The following TFEC variants were observed in gnomAD, a reference collection of about 807,000 sequenced individuals.
TFEC encodes transcription factor EC, also known as class E basic helix-loop-helix protein 34.
In TFEC, 31 loss-of-function variants were observed where a neutral mutation model predicts 41.6. The observed-to-expected ratio is 0.74, with a 90% CI of 0.56 to 1.01. The LOEUF (loss-of-function observed/expected upper bound fraction) is 1.01. Ranked by LOEUF, TFEC falls within the 50% of genes least tolerant of loss-of-function variation. The pLI is 0.00. For missense variants in TFEC, 402 were observed against 404.1 expected (o/e 0.99, Z 0.04); for synonymous variants, 143 against 140.6 (o/e 1.02, Z -0.12).
intron 3 of TFEC, among the ~76,000 whole-genome samples, chr7:116,080,142 A>T (rs1797054494): frequency 6.6e-6 from 1 of 152,142 alleles, no homozygotes; most frequent in Admixed American, 6.6e-5. Context: ...GAAGAATGAA[A>T]CTAGATCCTC....
chr7:115,952,698 A>G (rs1792011293), intron 5 of TFEC, among the ~76,000 whole-genome samples: 1 of 152,106 alleles, frequency 6.6e-6, no homozygotes, highest in Non-Finnish European at 1.5e-5. Flanking sequence ...AGTTACTTAT[A>G]AAGGAGTCAA....
chr7:115,972,070 T>C (rs1171262059), intron 3 of TFEC, among the ~76,000 whole-genome samples: 1 of 152,062 alleles, frequency 6.6e-6, no homozygotes, highest in Admixed American at 6.6e-5. Flanking sequence ...CCTACCCCTA[T>C]TCTACCAGCT....
chr7:115,950,815 C>A, intron 6 of TFEC, 59 bp downstream of exon 6: 1 of 1,316,734 alleles, frequency 7.6e-7, no homozygotes, highest in Non-Finnish European at 1.1e-6. Flanking sequence ...TCTTCCCTCC[C>A]ATTCATTTTG....
intron 1 of TFEC, among the ~76,000 whole-genome samples, chr7:116,158,760 C>A (rs1798918922): frequency 6.6e-6 from 1 of 151,978 alleles, no homozygotes. Flanking sequence ...TACTAGGTCC[C>A]ACTATAATAG....
At chr7:116,049,207 G>A (rs368607617) in intron 3 of TFEC, among the ~76,000 whole-genome samples, 1 of 152,074 alleles carries the variant, frequency 6.6e-6, no homozygotes, top group African/African-American at 2.4e-5. Flanking sequence ...AGAGTCAAGA[G>A]CCATCAGTGT....
chr7:115,998,927 C>T (rs1344502432), intron 1 of TFEC, among the ~76,000 whole-genome samples: 1 of 151,930 alleles, frequency 6.6e-6, no homozygotes, highest in Non-Finnish European at 1.5e-5. Context: ...AGAGATCATC[C>T]ACACAGAAAA....
At chr7:116,110,908 T>A (rs1797840181) in exon 3 of TFEC, 1 of 1,514,362 alleles carries the variant, frequency 6.6e-7, no homozygotes, top group Non-Finnish European at 8.8e-7. Flanking sequence ...TGTAACATAT[T>A]TCTCTTCTTT....
At position 116,049,527 on chromosome 7, in the gene TFEC, A is replaced by T. The variant is rs149533684; in HGVS notation, c.198+61181T>A. Among the ~76,000 whole-genome samples the T allele has an allele frequency of 4.0e-3, 613 of 152,270 alleles. 5 individuals are homozygous for T. The highest frequency in any genetic ancestry group is 0.014 in the African/African-American group (581 of 41,554). On this transcript the variant is annotated intron_variant, in intron 3 of 8. Coordinates refer to the TFEC transcript ENST00000484212. ...GAGACTTAGACTCCCACAAATAATA[A>T]TGGGAGACTTCAACACCCCACTGTC...
chr7:115,964,939 A>C (rs1298968573), intron 3 of TFEC, among the ~76,000 whole-genome samples: 2 of 151,596 alleles, frequency 1.3e-5, no homozygotes, highest in African/African-American at 4.8e-5. Context: ...CAAGTTGATC[A>C]TGTTTTCTTA....
At chr7:116,155,728 T>C (rs1427273204) in intron 1 of TFEC, among the ~76,000 whole-genome samples, 1 of 152,180 alleles carries the variant, frequency 6.6e-6, no homozygotes, top group African/African-American at 2.4e-5. Context: ...ATCAAAAAGA[T>C]TAGGTTGGCT....
intron 1 of TFEC, among the ~76,000 whole-genome samples, chr7:116,154,170 T>C (rs1798821340): frequency 6.6e-6 from 1 of 152,178 alleles, no homozygotes; most frequent in South Asian, 2.1e-4. Context: ...TCCTATTCCT[T>C]ATAAACATCC....
At chr7:116,034,139 CTGAG>C (rs758589887), upstream of TFEC, among the ~76,000 whole-genome samples, 8 of 152,134 alleles carry the variant, frequency 5.3e-5, no homozygotes, top group African/African-American at 1.9e-4. Context: ...ACCTATATCA[CTGAG>C]TATTTCTTCT....
intron 1 of TFEC, among the ~76,000 whole-genome samples, chr7:116,133,495 C>T (rs554509263): frequency 1.3e-5 from 2 of 151,638 alleles, no homozygotes; most frequent in Non-Finnish European, 2.9e-5. Context: ...GAGATCACGC[C>T]CCTGCACTCC....
In TFEC at chr7:115,984,142, AC is replaced by A. The variant is rs1469974175; in HGVS notation, c.180+119del. 3 of 1,240,906 alleles carry A rather than the reference AC, an allele frequency of 2.4e-6. No homozygotes were observed. In the African/African-American group the frequency reaches 4.5e-5, roughly 19 times the overall value. 76.9% of individuals were successfully genotyped at this position (1,240,906 alleles called of 1,614,324 possible). The stretch of plus-strand genomic sequence containing the variant: ...AAATAGAGAATAATTAATTAAAAGC[AC>A]ATTTCTTTTGTTACATTTGCAATCA... On this transcript the variant is annotated intron_variant, in intron 2 of 7. Coordinates refer to ENST00000265440, the MANE Select transcript of TFEC (RefSeq NM_012252.4).
At chr7:116,011,648 T>A (rs1389054919) in intron 1 of TFEC, among the ~76,000 whole-genome samples, 1 of 152,184 alleles carries the variant, frequency 6.6e-6, no homozygotes, top group African/African-American at 2.4e-5. Flanking sequence ...TTAGAACTTA[T>A]GGATTGATGT....
intron 3 of TFEC, among the ~76,000 whole-genome samples, chr7:116,069,082 C>CAT (rs766968430): frequency 2.6e-5 from 4 of 151,568 alleles, no homozygotes; most frequent in Non-Finnish European, 1.5e-5. Flanking sequence ...GTTGAACTGT[C>CAT]ATATATAGAA....
chr7:116,149,485 C>T (rs1039086310), intron 1 of TFEC, among the ~76,000 whole-genome samples: 1 of 151,932 alleles, frequency 6.6e-6, no homozygotes, highest in Non-Finnish European at 1.5e-5. Context: ...AAAGGATAAC[C>T]CAAGGCTTCT....
chr7:115,948,928 A>C (rs1009668260), intron 6 of TFEC, among the ~76,000 whole-genome samples: 1 of 151,680 alleles, frequency 6.6e-6, no homozygotes, highest in South Asian at 2.1e-4. Flanking sequence ...TGCAGATGAC[A>C]TGATTGTATA....
At chr7:116,132,146 G>A (rs904514039) in intron 1 of TFEC, among the ~76,000 whole-genome samples, 5 of 152,164 alleles carry the variant, frequency 3.3e-5, no homozygotes, top group African/African-American at 1.2e-4. Flanking sequence ...ATGTACTGCA[G>A]AGAAGCCAAC....
Sources: allele counts gnomAD v4.1 joint callset (sites outside exome capture counted in the v4.1 genomes callset), GRCh38; gene constraint gnomAD v4.1.1; transcripts MANE v1.5; gene names NCBI Gene and HGNC (gene_info 2026-07-23, HGNC 2026-07-21).